Variants in IL1RAPL1 observed in about 807,000 individuals in gnomAD.
IL1RAPL1 encodes the protein interleukin-1 receptor accessory protein-like 1.
IL1RAPL1 carries 3 observed loss-of-function variants against 48.4 expected under a neutral mutation model. That is an observed-to-expected ratio of 0.06 (90% CI 0.03 to 0.16). The LOEUF (loss-of-function observed/expected upper bound fraction) is 0.16. IL1RAPL1 is among the 10% of genes least tolerant of loss of function. The pLI is 1.00. For missense variants in IL1RAPL1, 349 were observed against 530.6 expected, an observed-to-expected ratio of 0.66 and a Z score of 3.36; for synonymous variants, 185 against 187.7, an observed-to-expected ratio of 0.99 and a Z score of 0.12.
chrX:28,900,517 C>G (rs926499413), intron 2 of IL1RAPL1, among the ~76,000 whole-genome samples: 26 of 111,364 alleles, frequency 2.3e-4, no homozygotes, highest in Non-Finnish European at 4.9e-4. Flanking sequence ...TCTTAAAATA[C>G]CAGTTAGGAG....
intron 1 of IL1RAPL1, among the ~76,000 whole-genome samples, chrX:28,712,905 T>C (rs911067099): frequency 1.8e-5 from 2 of 111,682 alleles, no homozygotes; most frequent in African/African-American, 3.3e-5. Context: ...ATACTCATAT[T>C]GAGTAATTCT....
At chrX:28,821,226 G>A (rs1223904182) in intron 2 of IL1RAPL1, among the ~76,000 whole-genome samples, 1 of 111,709 alleles carries the variant, frequency 9.0e-6, no homozygotes, top group Admixed American at 9.5e-5. Context: ...ACATGCACAT[G>A]TATACATATA....
intron 5 of IL1RAPL1, among the ~76,000 whole-genome samples, chrX:29,519,291 A>G (rs941754976): frequency 8.9e-6 from 1 of 111,750 alleles, no homozygotes; most frequent in Non-Finnish European, 1.9e-5. Context: ...ATTTTCTCTT[A>G]TATCATTCTT....
chrX:29,385,943 T>C (rs1441597130), intron 3 of IL1RAPL1, among the ~76,000 whole-genome samples: 1 of 112,461 alleles, frequency 8.9e-6, no homozygotes, highest in Non-Finnish European at 1.9e-5. Context: ...CCAATTTACA[T>C]TCTACCAGTA....
chrX:29,534,740 G>A (rs1444239383), intron 5 of IL1RAPL1, among the ~76,000 whole-genome samples: 2 of 110,349 alleles, frequency 1.8e-5, no homozygotes, highest in Admixed American at 9.6e-5. Flanking sequence ...AGGCCGAAGC[G>A]GGCAGATCAC....
chrX:29,413,770 G>T (rs1042915936), intron 5 of IL1RAPL1, among the ~76,000 whole-genome samples: 1 of 110,692 alleles, frequency 9.0e-6, no homozygotes, highest in Non-Finnish European at 1.9e-5. Context: ...GTTTATATGT[G>T]TGGAGAAAAT....
At chrX:29,691,915 C>T (rs369068680) in intron 6 of IL1RAPL1, among the ~76,000 whole-genome samples, 50 of 112,168 alleles carry the variant, frequency 4.5e-4, no homozygotes, top group African/African-American at 1.6e-3. Context: ...AAATAAAATA[C>T]TTGAGAGTGA....
chrX:29,699,531 A>G (rs753670480), intron 6 of IL1RAPL1, among the ~76,000 whole-genome samples: 2 of 112,578 alleles, frequency 1.8e-5, no homozygotes, highest in South Asian at 7.3e-4. Flanking sequence ...TGTTACAATG[A>G]TTACTCAAGT....
At chrX:29,746,621 T>C (rs1387430737) in intron 6 of IL1RAPL1, among the ~76,000 whole-genome samples, 1 of 111,561 alleles carries the variant, frequency 9.0e-6, no homozygotes, top group East Asian at 2.8e-4. Flanking sequence ...TTTTTTTTTT[T>C]CTTCGCGACA....
At chrX:29,005,935 A>T (rs767501676) in intron 2 of IL1RAPL1, among the ~76,000 whole-genome samples, 29 of 112,264 alleles carry the variant, frequency 2.6e-4, no homozygotes, top group Non-Finnish European at 4.3e-4. Flanking sequence ...ATACTCTTCT[A>T]AATAGATCTT....
At position 29,044,330 on chromosome X, in the gene IL1RAPL1, T is replaced by C. The variant is rs1473952479; in HGVS notation, c.83-238608T>C. ...CTATAATTCCAGATACTCAGGAGGC[T>C]CAGGCAGGAGAATCACTTGAACCTG... On this transcript the variant is annotated intron_variant, in intron 2 of 10. Coordinates refer to ENST00000378993, the MANE Select transcript of IL1RAPL1 (RefSeq NM_014271.4). 6.3e-5 allele frequency among the ~76,000 whole-genome samples: 7 copies of C among 110,568 alleles called. No individual in the cohort carries two copies. The Admixed American group carries it at 6.8e-4, about 11-fold the overall frequency.
rs56373899 is a variant in IL1RAPL1, at chrX:29,069,628, AACACACAC to A, written c.83-213275_83-213268del. On this transcript the variant is annotated intron_variant, in intron 2 of 10. Coordinates refer to ENST00000378993, the MANE Select transcript of IL1RAPL1 (RefSeq NM_014271.4). ...TGTTTCTTCAGATCTTTTCCTATAG[AACACACAC>A]ACACACACACACACACACACACACA... Among the ~76,000 whole-genome samples, 157 of 83,723 alleles carry A rather than the reference AACACACAC, an allele frequency of 1.9e-3. 1 individual carries two copies. Among genetic ancestry groups the A allele is most frequent in the African/African-American group, 5.1e-3 (121 of 23,666 alleles). The allele number at this position is 83,723 out of a possible 115,157, so 72.7% of individuals were successfully genotyped here. A position where few individuals can be genotyped will look rare whatever the true frequency, so the allele number is the denominator to read the frequency against.
chrX:29,008,127 G>C (rs1055289143), intron 2 of IL1RAPL1, among the ~76,000 whole-genome samples: 1 of 110,461 alleles, frequency 9.1e-6, no homozygotes, highest in African/African-American at 3.3e-5. Context: ...TCAGCCTCCT[G>C]AGTAGCTGAG....
intron 6 of IL1RAPL1, among the ~76,000 whole-genome samples, chrX:29,898,605 C>T (rs948135367): frequency 3.6e-5 from 4 of 111,938 alleles, no homozygotes; most frequent in African/African-American, 1.3e-4. Context: ...GGGCATTCCC[C>T]GTAACAGTCA....
chrX:29,652,075 T>A (rs1925535855), intron 5 of IL1RAPL1, among the ~76,000 whole-genome samples: 1 of 111,731 alleles, frequency 9.0e-6, no homozygotes, highest in South Asian at 3.7e-4. Context: ...TTAATGTAGA[T>A]CTTCAGAAAA....
intron 6 of IL1RAPL1, among the ~76,000 whole-genome samples, chrX:29,853,327 GA>G: frequency 9.4e-6 from 1 of 106,543 alleles, no homozygotes; most frequent in Non-Finnish European, 1.9e-5. Context: ...ACCCAGTCTC[GA>G]AAAAAAGAAA....
At chrX:28,962,636 A>C (rs1372641070) in intron 2 of IL1RAPL1, among the ~76,000 whole-genome samples, 1 of 111,757 alleles carries the variant, frequency 8.9e-6, no homozygotes, top group African/African-American at 3.2e-5. Context: ...ATATACCAAT[A>C]AAAATATTAT....
intron 1 of IL1RAPL1, among the ~76,000 whole-genome samples, chrX:28,637,646 A>C (rs1934481256): frequency 8.9e-6 from 1 of 112,134 alleles, no homozygotes; most frequent in Non-Finnish European, 1.9e-5. Flanking sequence ...AAAGAATATC[A>C]AGTCAATAGG....
intron 7 of IL1RAPL1, 46 bp from the exon 8 acceptor site, chrX:29,919,903 A>G (rs765172636): frequency 9.0e-7 from 1 of 1,115,930 alleles, no homozygotes; most frequent in Middle Eastern, 2.5e-4. Flanking sequence ...TTGTTTGTGT[A>G]TGTGTCTGTT....
Sources: gnomAD v4.1 joint callset for allele counts (sites outside exome capture counted in the v4.1 genomes callset) on GRCh38, gnomAD v4.1.1 for gene constraint, MANE v1.5 for transcripts, NCBI Gene and HGNC (gene_info 2026-07-23, HGNC 2026-07-21) for gene names.